The following PCDHA4 variants were observed in gnomAD, a reference collection of about 807,000 sequenced individuals.
The protein encoded by PCDHA4 is protocadherin alpha-4.
PCDHA4 carries 49 observed loss-of-function variants against 61.4 expected under a neutral mutation model. That is an observed-to-expected ratio of 0.80 (90% CI 0.63 to 1.01). The LOEUF (loss-of-function observed/expected upper bound fraction) is 1.01. Ranked by LOEUF, PCDHA4 falls within the 50% of genes least tolerant of loss-of-function variation. PCDHA4 has a pLI of 0.00. For synonymous variants in PCDHA4, 590 were observed against 550.3 expected, an observed-to-expected ratio of 1.07 and a Z score of -1.01; for missense variants, 1,254 against 1,235.8, an observed-to-expected ratio of 1.01 and a Z score of -0.22.
intron 1 of PCDHA4, among the ~76,000 whole-genome samples, chr5:140,900,317 G>A (rs188830675): frequency 3.3e-4 from 50 of 151,512 alleles, no homozygotes; most frequent in Non-Finnish European, 6.2e-4. Context: ...CACTTTTGTC[G>A]CCCAGGCTGG....
intron 1 of PCDHA4, chr5:140,849,696 T>C (rs2150445431): frequency 6.3e-7 from 1 of 1,598,686 alleles, no homozygotes; most frequent in South Asian, 1.1e-5. Context: ...GGTGTCCACC[T>C]ACAAGAATTA....
chr5:140,862,685 C>T (rs782248340), intron 1 of PCDHA4: 8 of 552,656 alleles, frequency 1.4e-5, no homozygotes, highest in Non-Finnish European at 1.8e-5. Flanking sequence ...GTGCTGGTGT[C>T]CTACTCGTTG....
intron 1 of PCDHA4, chr5:140,927,406 G>C: frequency 6.2e-7 from 1 of 1,614,210 alleles, no homozygotes; most frequent in East Asian, 2.2e-5. Context: ...CTTTCGCCTG[G>C]ACATGGGATC....
chr5:140,857,154 C>T (rs147581214), intron 1 of PCDHA4: 7 of 1,598,342 alleles, frequency 4.4e-6, no homozygotes, highest in Non-Finnish European at 6.0e-6. Flanking sequence ...ACCGTCATTG[C>T]CCTAATCAGC....
intron 1 of PCDHA4, among the ~76,000 whole-genome samples, chr5:140,899,260 T>A (rs2153463432): frequency 6.6e-6 from 1 of 152,272 alleles, no homozygotes; most frequent in South Asian, 2.1e-4. Context: ...GGCATCCCTG[T>A]CTTGTGGCAG....
At chr5:140,871,122 G>A (rs782184692) in intron 1 of PCDHA4, 2 of 1,613,344 alleles carry the variant, frequency 1.2e-6, no homozygotes, top group South Asian at 2.2e-5. Flanking sequence ...AGAGCGGACA[G>A]GCGCCAAAGG....
chr5:140,985,859 C>T (rs2153837183), intron 3 of PCDHA4, among the ~76,000 whole-genome samples: 1 of 151,736 alleles, frequency 6.6e-6, no homozygotes, highest in African/African-American at 2.4e-5. Context: ...CCTGCCTCAG[C>T]CTCCTGAGTA....
intron 1 of PCDHA4, chr5:140,812,064 T>G (rs1765026594): frequency 6.6e-6 from 1 of 151,886 alleles, no homozygotes; most frequent in African/African-American, 2.4e-5. Context: ...TTTTTTTTTT[T>G]GGAAGAGTTT....
chr5:140,938,899 A>C (rs1175857132), intron 1 of PCDHA4, among the ~76,000 whole-genome samples: 1 of 151,886 alleles, frequency 6.6e-6, no homozygotes, highest in Non-Finnish European at 1.5e-5. Flanking sequence ...ACAGATGCGC[A>C]CACACACACA....
chr5:140,863,399 A>G, intron 1 of PCDHA4: 2 of 871,986 alleles, frequency 2.3e-6, no homozygotes, highest in Non-Finnish European at 3.6e-6. Context: ...ATGCCGGGCA[A>G]GCCCACGCTG....
intron 1 of PCDHA4, chr5:140,849,838 T>A: frequency 6.3e-7 from 1 of 1,598,422 alleles, no homozygotes; most frequent in Non-Finnish European, 8.6e-7. Flanking sequence ...GTGGCCGACG[T>A]GAACGACAAC....
chr5:140,997,864 C>A (rs2097788719), intron 3 of PCDHA4, among the ~76,000 whole-genome samples: 1 of 152,100 alleles, frequency 6.6e-6, no homozygotes, highest in South Asian at 2.1e-4. Context: ...ATTTCTTATG[C>A]ATGCTTGCTA....
At chr5:140,830,508 C>T in intron 1 of PCDHA4, 1 of 1,415,164 alleles carries the variant, frequency 7.1e-7, no homozygotes, top group Non-Finnish European at 9.4e-7. Flanking sequence ...TCATAATTAA[C>T]AGTTAATTTT....
At chr5:140,927,946 G>T (rs1341193072) in intron 1 of PCDHA4, 1 of 1,614,096 alleles carries the variant, frequency 6.2e-7, no homozygotes, top group African/African-American at 1.3e-5. Context: ...AGTACCTGAG[G>T]ACGCTGCCCC....
chr5:140,856,716 G>T (rs1482820775), intron 1 of PCDHA4: 1 of 1,596,628 alleles, frequency 6.3e-7, no homozygotes, highest in Admixed American at 1.7e-5. Context: ...GAATTTACCG[G>T]ATCTGTTTCT....
intron 1 of PCDHA4, among the ~76,000 whole-genome samples, chr5:140,964,622 T>A (rs1435749865): frequency 6.6e-6 from 1 of 152,048 alleles, no homozygotes; most frequent in African/African-American, 2.4e-5. Flanking sequence ...ATTCCACTTA[T>A]AAGCCATTTA....
intron 1 of PCDHA4, among the ~76,000 whole-genome samples, chr5:140,925,390 G>A (rs968466600): frequency 6.6e-6 from 1 of 152,032 alleles, no homozygotes; most frequent in Non-Finnish European, 1.5e-5. Flanking sequence ...GTCTCCTTTT[G>A]GCTCGCCTCC....
At chr5:140,861,658 G>T (rs913348410) in intron 1 of PCDHA4, 2 of 268,996 alleles carry the variant, frequency 7.4e-6, no homozygotes, top group Non-Finnish European at 1.5e-5. Context: ...TTTCTGAAAC[G>T]AGAGCTCTTG....
chr5:140,906,252 C>T (rs1376694912), intron 1 of PCDHA4, among the ~76,000 whole-genome samples: 1 of 152,180 alleles, frequency 6.6e-6, no homozygotes, highest in Admixed American at 6.5e-5. Flanking sequence ...AACCCATACA[C>T]ACCTCCTGAA....
Sources: allele counts gnomAD v4.1 joint callset (sites outside exome capture counted in the v4.1 genomes callset), GRCh38; gene constraint gnomAD v4.1.1; transcripts MANE v1.5; gene names NCBI Gene and HGNC (gene_info 2026-07-23, HGNC 2026-07-21).